The following LMBRD1 variants were observed in gnomAD, a reference collection of about 807,000 sequenced individuals.
The protein encoded by LMBRD1 is lysosomal cobalamin transport escort protein LMBD1.
LMBRD1 carries 64 observed loss-of-function variants against 74.8 expected under a neutral mutation model. That is an observed-to-expected ratio of 0.86 (90% confidence interval 0.70 to 1.05). The LOEUF is 1.05. LMBRD1 is among the 50% of genes least tolerant of loss of function. The pLI is 0.00. For synonymous variants in LMBRD1, 204 were observed against 216.3 expected, an observed-to-expected ratio of 0.94 and a Z score of 0.50; for missense variants, 652 against 645.9, an observed-to-expected ratio of 1.01 and a Z score of -0.10.
intron 14 of LMBRD1, among the ~76,000 whole-genome samples, chr6:69,696,846 C>T (rs565462486): frequency 1.3e-4 from 20 of 152,130 alleles, no homozygotes; most frequent in South Asian, 1.2e-3. Context: ...GAATGATTCA[C>T]GCAGAAATAC....
At position 69,749,211 on chromosome 6, in the gene LMBRD1, T is replaced by G. The variant is rs547997834; in HGVS notation, c.473+130A>C. 75 of 725,252 alleles carry G rather than the reference T, an allele frequency of 1.0e-4. No individual in the cohort carries two copies. The African/African-American group carries it at 1.3e-3, about 13-fold the overall frequency. 44.9% of individuals were successfully genotyped at this position (725,252 alleles called of 1,614,324 possible). ...ATTGTGGCTATTGTTCCTTGGAGATTTAGAGAGTGGATTGTTCTTTTTTCT... is the reference window on the plus strand; with the variant it reads ...ATTGTGGCTATTGTTCCTTGGAGATGTAGAGAGTGGATTGTTCTTTTTTCT... On this transcript the variant is annotated intron_variant, in intron 5 of 15. Transcript: ENST00000649934.
At chr6:69,698,894 T>TA (rs1206859464) in intron 13 of LMBRD1, 149 bp downstream of exon 13, 1 of 614,616 alleles carries the variant, frequency 1.6e-6, no homozygotes, top group East Asian at 2.8e-5. Context: ...ATAAATATGC[T>TA]AAAAATAGAA....
At chr6:69,739,128 C>A (rs998652739) in intron 6 of LMBRD1, among the ~76,000 whole-genome samples, 4 of 152,192 alleles carry the variant, frequency 2.6e-5, no homozygotes, top group Non-Finnish European at 4.4e-5. Flanking sequence ...TGACATCTGG[C>A]TGATAATTTT....
At chr6:69,731,585 G>T (rs1195239051) in intron 7 of LMBRD1, among the ~76,000 whole-genome samples, 4 of 151,942 alleles carry the variant, frequency 2.6e-5, no homozygotes, top group Non-Finnish European at 5.9e-5. Context: ...GAAAATATTT[G>T]ATATTTTATT....
chr6:69,697,776 G>A, intron 13 of LMBRD1, 135 bp from the exon 14 acceptor site: 1 of 589,848 alleles, frequency 1.7e-6, no homozygotes, highest in Non-Finnish European at 3.0e-6. Flanking sequence ...TAAATTTTGT[G>A]CAACATTGCT....
At chr6:69,678,438 A>G (rs1765592333) in intron 14 of LMBRD1, among the ~76,000 whole-genome samples, 1 of 151,974 alleles carries the variant, frequency 6.6e-6, no homozygotes, top group Non-Finnish European at 1.5e-5. Flanking sequence ...TATTGAAAAA[A>G]AATCTGGCAT....
intron 5 of LMBRD1, among the ~76,000 whole-genome samples, chr6:69,749,029 C>T (rs1441902024): frequency 2.0e-5 from 3 of 151,726 alleles, no homozygotes; most frequent in Non-Finnish European, 2.9e-5. Flanking sequence ...GCAGAGATGC[C>T]CACAATATGT....
intron 3 of LMBRD1, among the ~76,000 whole-genome samples, chr6:69,759,037 A>T (rs965089700): frequency 6.6e-6 from 1 of 152,162 alleles, no homozygotes; most frequent in Non-Finnish European, 1.5e-5. Flanking sequence ...ATGGAAGGGA[A>T]CCATTATTTC....
At chr6:69,708,135 C>T (rs1766302565) in intron 9 of LMBRD1, among the ~76,000 whole-genome samples, 1 of 152,112 alleles carries the variant, frequency 6.6e-6, no homozygotes, top group African/African-American at 2.4e-5. Context: ...GCTGTATAAG[C>T]TCAAAGTATA....
intron 7 of LMBRD1, among the ~76,000 whole-genome samples, chr6:69,734,338 C>T (rs1195729124): frequency 3.9e-5 from 6 of 152,010 alleles, no homozygotes; most frequent in African/African-American, 7.3e-5. Context: ...CATCACATAA[C>T]GTCATCAATG....
intron 8 of LMBRD1, among the ~76,000 whole-genome samples, chr6:69,716,610 T>C (rs1186667730): frequency 6.6e-6 from 1 of 152,156 alleles, no homozygotes; most frequent in African/African-American, 2.4e-5. Context: ...TGAGATAGTC[T>C]GATTTTACAT....
At chr6:69,685,750 G>A (rs1299882526) in intron 14 of LMBRD1, among the ~76,000 whole-genome samples, 1 of 152,104 alleles carries the variant, frequency 6.6e-6, no homozygotes, top group African/African-American at 2.4e-5. Context: ...GCAGTGAGCC[G>A]AGATCACATC....
chr6:69,761,907 C>A (rs1358340398), intron 3 of LMBRD1, among the ~76,000 whole-genome samples: 1 of 152,198 alleles, frequency 6.6e-6, no homozygotes, highest in Non-Finnish European at 1.5e-5. Flanking sequence ...CTGCATCTGG[C>A]TTCCTTCACT....
chr6:69,763,557 T>C (rs1156459554), intron 3 of LMBRD1, among the ~76,000 whole-genome samples: 2 of 152,110 alleles, frequency 1.3e-5, no homozygotes, highest in Admixed American at 6.6e-5. Flanking sequence ...ATAAAAAGAA[T>C]GTCCCCAAAG....
intron 7 of LMBRD1, among the ~76,000 whole-genome samples, chr6:69,724,862 G>A (rs552904412): frequency 6.6e-6 from 1 of 151,866 alleles, no homozygotes; most frequent in South Asian, 2.1e-4. Flanking sequence ...AGTCCTAGCT[G>A]GGGCAATCAG....
chr6:69,788,473 T>C lies in LMBRD1; in HGVS notation c.246+1823A>G, dbSNP rs1458670719. On this transcript the variant is annotated intron_variant, in intron 2 of 15. Transcript: ENST00000649934. ...CAGAAATTCTGAAAATGTCAAAATC[T>C]CTTATCCAAGAAACAAAGCGATATA... Among the ~76,000 whole-genome samples, 4 of 152,138 alleles carry C rather than the reference T, an allele frequency of 2.6e-5. No homozygotes were observed. In the East Asian group the frequency reaches 7.7e-4, roughly 29 times the overall value.
At chr6:69,702,341 T>C (rs570263896) in intron 9 of LMBRD1, among the ~76,000 whole-genome samples, 11 of 151,674 alleles carry the variant, frequency 7.3e-5, no homozygotes, top group Admixed American at 2.6e-4. Flanking sequence ...TATTACCCTG[T>C]TAGTTAAAAT....
intron 14 of LMBRD1, among the ~76,000 whole-genome samples, chr6:69,692,631 T>C (rs964974436): frequency 2.0e-5 from 3 of 152,064 alleles, no homozygotes; most frequent in Non-Finnish European, 2.9e-5. Context: ...TTTTTTTCTC[T>C]GCTTGAAATA....
rs139707662 is a variant in LMBRD1 at position 69,699,026 on chromosome 6, T to C, written c.1338+17A>G. The C allele has an allele frequency of 6.6e-7, 1 of 1,510,750 alleles. No homozygotes were observed. The highest frequency in any genetic ancestry group is 2.3e-5 in the East Asian group (1 of 44,146). 93.6% of individuals were successfully genotyped at this position (1,510,750 alleles called of 1,614,324 possible). On this transcript the variant is annotated intron_variant, in intron 13 of 15. Coordinates refer to ENST00000649934, the MANE Select transcript of LMBRD1 (RefSeq NM_018368.4). ...TTTAAAATATCAAAATAATCAAGTT[T>C]CAAATATTTCACTTACCTCTATTAA...
Sources: gnomAD v4.1 joint callset for allele counts (sites outside exome capture counted in the v4.1 genomes callset) on GRCh38, gnomAD v4.1.1 for gene constraint, MANE v1.5 for transcripts, NCBI Gene and HGNC (gene_info 2026-07-23, HGNC 2026-07-21) for gene names.